ADAM9: variants seen among roughly 807,000 people sequenced by gnomAD.
ADAM9 encodes the protein disintegrin and metalloproteinase domain-containing protein 9.
A neutral mutation model predicts 108.1 loss-of-function variants in ADAM9; 54 were observed. The observed-to-expected ratio is 0.50, with a 90% confidence interval of 0.40 to 0.63. The LOEUF is 0.63. Ranked by LOEUF, ADAM9 falls within the 20% of genes least tolerant of loss-of-function variation. The pLI, the probability that ADAM9 is intolerant of heterozygous loss-of-function variation, is 0.00. For missense variants in ADAM9, 830 were observed against 997.7 expected (o/e 0.83, Z 2.26); for synonymous variants, 316 against 336.0 (o/e 0.94, Z 0.65).
rs1838202395 is a variant in ADAM9 at position 39,058,676 on chromosome 8, G to A, written c.1591+2904G>A. On this transcript the variant is annotated intron_variant, in intron 14 of 21. Transcript: ENST00000487273. ...CTTGGAGGTATGAGGAGCCAATGTGGCTGGGCCTCTGGCTTAATTTCTAGT... is the reference window on the plus strand; with the variant it reads ...CTTGGAGGTATGAGGAGCCAATGTGACTGGGCCTCTGGCTTAATTTCTAGT... 2.6e-5 allele frequency among the ~76,000 whole-genome samples: 4 copies of A among 152,276 alleles called. No homozygotes were observed. The South Asian group carries it at 6.2e-4, about 24-fold the overall frequency.
chr8:39,094,917 G>A (rs1306897377), intron 20 of ADAM9, among the ~76,000 whole-genome samples: 2 of 151,526 alleles, frequency 1.3e-5, no homozygotes, highest in Non-Finnish European at 2.9e-5. Context: ...TTTTTGCTCT[G>A]AACTTCACTA....
intron 12 of ADAM9, among the ~76,000 whole-genome samples, chr8:39,043,795 G>A (rs1037816691): frequency 4.6e-5 from 7 of 151,918 alleles, no homozygotes; most frequent in Non-Finnish European, 1.0e-4. Flanking sequence ...CCACTTTTTG[G>A]GGTCTCCAGT....
chr8:39,091,179 G>A, intron 19 of ADAM9, 80 bp from the exon 20 acceptor site: 1 of 1,364,986 alleles, frequency 7.3e-7, no homozygotes, highest in Non-Finnish European at 1.0e-6. Context: ...TCTGTATTTG[G>A]GAAAATGCAA....
intron 20 of ADAM9, among the ~76,000 whole-genome samples, chr8:39,099,082 A>G (rs1839601945): frequency 6.6e-6 from 1 of 152,122 alleles, no homozygotes. Context: ...TATCAGCACC[A>G]AGGCAGTATC....
chr8:39,090,763 TC>T (rs1328705001), intron 19 of ADAM9, among the ~76,000 whole-genome samples: 2 of 152,122 alleles, frequency 1.3e-5, no homozygotes, highest in East Asian at 3.9e-4. Context: ...TGCAAATAAC[TC>T]CCCCATCTGC....
intron 20 of ADAM9, among the ~76,000 whole-genome samples, chr8:39,096,999 A>G (rs901096523): frequency 5.3e-5 from 8 of 152,114 alleles, no homozygotes; most frequent in Non-Finnish European, 1.2e-4. Context: ...CTGTTTCCTT[A>G]GGGTCAGTTT....
chr8:39,063,060 G>T (rs1290206189), intron 14 of ADAM9, among the ~76,000 whole-genome samples: 2 of 152,056 alleles, frequency 1.3e-5, no homozygotes, highest in Non-Finnish European at 2.9e-5. Flanking sequence ...TGTCTGCTTC[G>T]TGAGTCCTCA....
chr8:39,057,812 A>G (rs766930277), intron 14 of ADAM9, among the ~76,000 whole-genome samples: 1 of 152,120 alleles, frequency 6.6e-6, no homozygotes, highest in Non-Finnish European at 1.5e-5. Flanking sequence ...ATCTCATCCA[A>G]AATCACCCTT....
At chr8:39,090,216 T>C (rs1426160157) in intron 19 of ADAM9, 28 bp downstream of exon 19, 1 of 1,532,416 alleles carries the variant, frequency 6.5e-7, no homozygotes, top group Admixed American at 1.7e-5. Context: ...TTTTAATTCC[T>C]ATATTAAATA....
chr8:39,011,440 G>C (rs565201341), intron 2 of ADAM9, among the ~76,000 whole-genome samples: 1 of 152,128 alleles, frequency 6.6e-6, no homozygotes, highest in Non-Finnish European at 1.5e-5. Context: ...GATAGACATG[G>C]GGTTATTTTC....
In ADAM9 at chr8:39,055,677, T is replaced by C; in HGVS notation, c.1496T>C (p.Ile499Thr). 6.2e-7 allele frequency: 1 copy of C among 1,613,804 alleles called. No homozygotes were observed. Among genetic ancestry groups the C allele is most frequent in the Middle Eastern group, 1.7e-4 (1 of 6,056 alleles). ...CAGTTCTGTCAGCCAGATGTTTTTA[T>C]TCAGAATGGATATCCTTGCCAGAAT... ...SSQFCQPDVF[I>T]QNGYPCQNNK... is the part of the protein sequence containing the mutation. The change falls in exon 14 of 22, where the codon ATT becomes ACT. Residue 499 changes from isoleucine (I) to threonine (T), a missense_variant. Ile to Thr is a moderately conservative substitution (Grantham distance 89). This residue lies in a region of ADAM9 where 381 missense variants were observed against 539.8 expected (regional missense o/e 0.71). Transcript: ENST00000487273.
intron 11 of ADAM9, among the ~76,000 whole-genome samples, chr8:39,027,108 T>A (rs1180789572): frequency 6.6e-6 from 1 of 152,246 alleles, no homozygotes; most frequent in South Asian, 2.1e-4. Flanking sequence ...GTAACTACAC[T>A]CTTCTGTAAA....
At chr8:39,070,144 C>G (rs1838633410) in intron 14 of ADAM9, among the ~76,000 whole-genome samples, 1 of 109,304 alleles carries the variant, frequency 9.1e-6, no homozygotes, top group Non-Finnish European at 1.8e-5. Flanking sequence ...CAGAATGAGA[C>G]TCTGTCTCAA....
At chr8:39,048,479 C>G (rs569564210) in intron 12 of ADAM9, among the ~76,000 whole-genome samples, 48 of 152,052 alleles carry the variant, frequency 3.2e-4, no homozygotes, top group Non-Finnish European at 5.6e-4. Flanking sequence ...TTCTGAAGAC[C>G]TGTTTTGTGA....
At chr8:39,013,357 T>G (rs530063305) in intron 3 of ADAM9, among the ~76,000 whole-genome samples, 1 of 142,310 alleles carries the variant, frequency 7.0e-6, no homozygotes, top group South Asian at 2.3e-4. Context: ...CTGAAAAATT[T>G]AGGGACATTA....
At position 39,017,410 on chromosome 8, in the gene ADAM9, T is replaced by G. The variant is rs371716694; in HGVS notation, c.602T>G (p.Leu201Arg). Residue 201 changes from leucine to arginine, a missense_variant, in exon 6 of 22, where the codon CTT becomes CGT. Transcript: ENST00000487273. ...GAGCCTCCCAGCATGACTCAGCTAC[T>G]TCGAGTAAGGAAATAACATAATTCT... ...EEEPPSMTQL[L>R]RRRRAVLPQT... 6.2e-7 allele frequency: 1 copy of G among 1,613,720 alleles called. No homozygotes were observed. The highest frequency in any genetic ancestry group is 8.5e-7 in the Non-Finnish European group (1 of 1,179,734).
intron 20 of ADAM9, among the ~76,000 whole-genome samples, chr8:39,092,091 A>G (rs1231241877): frequency 6.6e-6 from 1 of 152,108 alleles, no homozygotes; most frequent in Non-Finnish European, 1.5e-5. Flanking sequence ...ATATACTTTT[A>G]TTGAGTGTTT....
At chr8:39,040,126 TACA>T (rs1408974366) in intron 11 of ADAM9, among the ~76,000 whole-genome samples, 3 of 151,916 alleles carry the variant, frequency 2.0e-5, no homozygotes, top group Non-Finnish European at 4.4e-5. Context: ...CTCGGCTCAC[TACA>T]ACCTCTGCCT....
At chr8:39,066,823 G>C (rs1481177489) in intron 14 of ADAM9, among the ~76,000 whole-genome samples, 2 of 152,142 alleles carry the variant, frequency 1.3e-5, no homozygotes, top group African/African-American at 4.8e-5. Flanking sequence ...TGAAGTCCTT[G>C]CCCATGCCTA....
Sources: gnomAD v4.1 joint callset for allele counts (sites outside exome capture counted in the v4.1 genomes callset) on GRCh38, gnomAD v4.1.1 for gene constraint, gnomAD v4.1.1 regional missense constraint, MANE v1.5 for transcripts, NCBI Gene and HGNC (gene_info 2026-07-23, HGNC 2026-07-21) for gene names.